The following DGKI variants were observed in gnomAD, a reference collection of about 807,000 sequenced individuals.
DGKI encodes the protein DAG kinase iota.
A neutral mutation model predicts 147.5 loss-of-function variants in DGKI; 55 were observed. The observed-to-expected ratio is 0.37, with a 90% CI of 0.30 to 0.47. The LOEUF (loss-of-function observed/expected upper bound fraction) is 0.47, where lower values mean the gene tolerates loss of function less well. Ranked by LOEUF, DGKI falls within the 20% of genes least tolerant of loss-of-function variation. The pLI is 1.00. For missense variants in DGKI, 1,007 were observed against 1,323.8 expected (o/e 0.76, Z 3.71); for synonymous variants, 469 against 477.1 (o/e 0.98, Z 0.22).
chr7:137,628,694 A>G (rs1291509857), intron 6 of DGKI, among the ~76,000 whole-genome samples: 1 of 152,212 alleles, frequency 6.6e-6, no homozygotes, highest in Non-Finnish European at 1.5e-5. Flanking sequence ...AACTGACTTC[A>G]GGATTAAAAA....
intron 1 of DGKI, among the ~76,000 whole-genome samples, chr7:137,780,523 T>C (rs1392114052): frequency 6.6e-6 from 1 of 152,186 alleles, no homozygotes; most frequent in Non-Finnish European, 1.5e-5. Context: ...ACAAGGAAGG[T>C]GAAAATACAA....
chr7:137,730,678 T>G (rs1341580203), intron 1 of DGKI, among the ~76,000 whole-genome samples: 1 of 152,086 alleles, frequency 6.6e-6, no homozygotes, highest in African/African-American at 2.4e-5. Flanking sequence ...TATGCATGCA[T>G]GAAACCAGCC....
Position 137,577,274 on chromosome 7 carries a change from GA to G in DGKI, c.1708del (p.Ser570LeufsTer31). The G allele has an allele frequency of 6.3e-7, 1 of 1,599,714 alleles. No individual in the cohort carries two copies. Among genetic ancestry groups the G allele is most frequent in the African/African-American group, 1.3e-5 (1 of 74,766 alleles). On this transcript the variant is annotated frameshift_variant, in exon 17 of 33. Coordinates refer to ENST00000614521, the MANE Select transcript of DGKI (RefSeq NM_001321708.2). LOFTEE classifies it high-confidence loss of function. ...NKMFYAGAAF[S>X]DFLQRSSRDL... ...TCTAGAACTTCTCTGTAGGAAGTCA[GA>G]AAAAGCTGCCTATACCACAGGGAAA...
rs541452577 is a variant in DGKI, at chr7:137,681,907, T to C, written c.511-3255A>G. On this transcript the variant is annotated intron_variant, in intron 2 of 32. Transcript: ENST00000614521. ...GGGCTAGAGGCTATTGTCAACCAAA[T>C]GGGCAGTCAACGCTGTCTACAGGAC... Among the ~76,000 whole-genome samples, 8 of 152,358 alleles carry C rather than the reference T, an allele frequency of 5.3e-5. No homozygotes were observed. In the East Asian group the frequency reaches 9.6e-4, roughly 18 times the overall value.
intron 1 of DGKI, among the ~76,000 whole-genome samples, chr7:137,777,468 C>G (rs1796395409): frequency 6.6e-6 from 1 of 152,240 alleles, no homozygotes. Context: ...CTGTGTCTCA[C>G]AGCAGCGACG....
chr7:137,532,060 T>C (rs1394428193), intron 20 of DGKI, among the ~76,000 whole-genome samples: 2 of 151,526 alleles, frequency 1.3e-5, no homozygotes, highest in African/African-American at 4.9e-5. Flanking sequence ...ATTCAGAATG[T>C]GTTATAAATA....
At chr7:137,746,890 C>T (rs1461630619) in intron 1 of DGKI, among the ~76,000 whole-genome samples, 6 of 152,040 alleles carry the variant, frequency 3.9e-5, no homozygotes, top group Non-Finnish European at 5.9e-5. Flanking sequence ...ATAGGCACAA[C>T]AAAGAAGTCC....
intron 2 of DGKI, 32 bp from the exon 3 acceptor site, chr7:137,678,684 T>G (rs778932717): frequency 1.2e-6 from 2 of 1,603,134 alleles, no homozygotes; most frequent in South Asian, 1.1e-5. Context: ...GACATCAATT[T>G]TTTTTTTCCA....
intron 23 of DGKI, among the ~76,000 whole-genome samples, chr7:137,470,957 T>C (rs1814859140): frequency 6.6e-6 from 1 of 152,196 alleles, no homozygotes; most frequent in South Asian, 2.1e-4. Flanking sequence ...GAAGCTTTTA[T>C]TTCTTATAAA....
At chr7:137,440,653 G>C (rs929563500) in intron 28 of DGKI, among the ~76,000 whole-genome samples, 3 of 152,202 alleles carry the variant, frequency 2.0e-5, no homozygotes, top group African/African-American at 7.2e-5. Context: ...TTGCAGCTGT[G>C]AAACTGGGGG....
At chr7:137,689,856 C>T (rs769623859) in intron 2 of DGKI, 38 bp downstream of exon 2, 2 of 1,319,880 alleles carry the variant, frequency 1.5e-6, no homozygotes, top group Non-Finnish European at 2.1e-6. Flanking sequence ...ACAAAACATG[C>T]ACTGAAGTGA....
intron 28 of DGKI, among the ~76,000 whole-genome samples, chr7:137,433,136 G>A (rs1211383621): frequency 6.6e-6 from 1 of 152,144 alleles, no homozygotes; most frequent in Admixed American, 6.5e-5. Context: ...TAAGATGGCT[G>A]GACTGGTGAA....
At chr7:137,649,391 T>G (rs1259129280) in intron 5 of DGKI, among the ~76,000 whole-genome samples, 2 of 152,188 alleles carry the variant, frequency 1.3e-5, no homozygotes, top group Non-Finnish European at 2.9e-5. Context: ...ACTGTTGATA[T>G]ATTGTTGTTA....
intron 1 of DGKI, among the ~76,000 whole-genome samples, chr7:137,706,579 A>T (rs866208178): frequency 0.018 from 2,195 of 122,060 alleles, 17 homozygotes; most frequent in Non-Finnish European, 0.024. Flanking sequence ...TTTTATTTTT[A>T]TTTTTTTTTT....
chr7:137,777,520 T>C (rs909410637), intron 1 of DGKI, among the ~76,000 whole-genome samples: 1 of 152,244 alleles, frequency 6.6e-6, no homozygotes, highest in Non-Finnish European at 1.5e-5. Flanking sequence ...TGTCATACTG[T>C]AGCCACGCCA....
At chr7:137,595,623 C>G (rs1819761631) in intron 12 of DGKI, among the ~76,000 whole-genome samples, 1 of 152,088 alleles carries the variant, frequency 6.6e-6, no homozygotes, top group South Asian at 2.1e-4. Context: ...ATTGGAATCC[C>G]ATACTTTCAA....
intron 3 of DGKI, among the ~76,000 whole-genome samples, chr7:137,670,900 A>G (rs1822821371): frequency 6.6e-6 from 1 of 152,188 alleles, no homozygotes; most frequent in Admixed American, 6.5e-5. Flanking sequence ...GTGCATTCTA[A>G]GTCCAATGCT....
intron 28 of DGKI, among the ~76,000 whole-genome samples, chr7:137,432,652 C>T (rs1020734239): frequency 6.6e-6 from 1 of 151,998 alleles, no homozygotes; most frequent in Non-Finnish European, 1.5e-5. Flanking sequence ...TGCTGAAGAC[C>T]TCATGGCTAA....
chr7:137,502,807 T>C (rs1178590427), intron 21 of DGKI, among the ~76,000 whole-genome samples: 1 of 152,134 alleles, frequency 6.6e-6, no homozygotes, highest in Non-Finnish European at 1.5e-5. Context: ...ATTCCTACTT[T>C]CCATTGAACT....
Sources: allele counts gnomAD v4.1 joint callset (sites outside exome capture counted in the v4.1 genomes callset), GRCh38; gene constraint gnomAD v4.1.1; transcripts MANE v1.5; gene names NCBI Gene and HGNC (gene_info 2026-07-23, HGNC 2026-07-21).